The following ALKBH3 variants were observed in gnomAD, a reference collection of about 807,000 sequenced individuals.
ALKBH3 encodes the protein alkB homolog 3, alpha-ketoglutarate dependent dioxygenase, also known as alpha-ketoglutarate-dependent dioxygenase alkB homolog 3.
Under a neutral mutation model 43.9 loss-of-function variants are expected in ALKBH3, and 51 were observed. The observed-to-expected ratio is 1.16, with a 90% CI of 0.93 to 1.47. The LOEUF is 1.47. Among genes scored for constraint, ALKBH3 ranks in the 40% most tolerant of loss-of-function variants. ALKBH3 has a pLI of 0.00. For synonymous variants in ALKBH3, 102 were observed against 115.2 expected, an observed-to-expected ratio of 0.89 and a Z score of 0.73; for missense variants, 361 against 351.9, an observed-to-expected ratio of 1.03 and a Z score of -0.21.
chr11:43,891,142 A>G (rs1217738040), intron 6 of ALKBH3, among the ~76,000 whole-genome samples: 1 of 152,218 alleles, frequency 6.6e-6, no homozygotes, highest in Non-Finnish European at 1.5e-5. Flanking sequence ...TTACTCATGC[A>G]TCAGAATAGG....
chr11:43,919,108 T>C lies in ALKBH3; in HGVS notation c.740T>C (p.Met247Thr), dbSNP rs756874420. 1.9e-6 allele frequency: 3 copies of C among 1,613,334 alleles called. No homozygotes were observed. Among genetic ancestry groups the C allele is most frequent in the Non-Finnish European group, 2.5e-6 (3 of 1,179,454 alleles). The change falls in exon 9 of 10, where the codon ATG becomes ACG. Residue 247 changes from methionine to threonine, a missense_variant. Coordinates refer to ENST00000302708, the MANE Select transcript of ALKBH3 (RefSeq NM_139178.4). The stretch of plus-strand genomic sequence containing the variant: ...TTGGATCATGGGACCTTGTTAATCA[T>C]GGAAGGAGCGACACAAGCTGACTGG... The part of the protein sequence containing the change: ...IPLDHGTLLI[M>T]EGATQADWQH...
intron 7 of ALKBH3, chr11:43,898,840 C>T (rs1590372893): frequency 1.3e-6 from 1 of 765,122 alleles, no homozygotes; most frequent in Non-Finnish European, 2.4e-6. Context: ...CTACCAGGGT[C>T]CTGGAGGCCT....
chr11:43,908,198 C>T (rs1448545809), intron 8 of ALKBH3, among the ~76,000 whole-genome samples: 2 of 152,192 alleles, frequency 1.3e-5, no homozygotes, highest in Admixed American at 1.3e-4. Context: ...CAGAGATAGC[C>T]AGATTTCAAT....
chr11:43,883,371 C>T (rs1210709578), intron 3 of ALKBH3, among the ~76,000 whole-genome samples, 183 bp downstream of exon 3: 1 of 152,176 alleles, frequency 6.6e-6, no homozygotes, highest in African/African-American at 2.4e-5. Flanking sequence ...TCTTCGTAGT[C>T]TGCTCCCAGT....
intron 6 of ALKBH3, 110 bp from the exon 7 acceptor site, chr11:43,891,931 A>T (rs955048989): frequency 3.8e-6 from 3 of 782,246 alleles, no homozygotes; most frequent in Non-Finnish European, 4.2e-6. Context: ...GCCCATTCTT[A>T]CTTTTCTTTT....
chr11:43,916,168 T>A (rs1324924450), intron 8 of ALKBH3, among the ~76,000 whole-genome samples: 1 of 152,060 alleles, frequency 6.6e-6, no homozygotes, highest in Non-Finnish European at 1.5e-5. Flanking sequence ...GAAAGAAAAA[T>A]GTTTAGGTTT....
chr11:43,905,051 A>G (rs1028628811), intron 8 of ALKBH3, among the ~76,000 whole-genome samples: 13 of 152,214 alleles, frequency 8.5e-5, no homozygotes, highest in Admixed American at 5.2e-4. Context: ...ACAGTTTCGC[A>G]TCTCAGGCGG....
chr11:43,908,454 T>C (rs933492430), intron 8 of ALKBH3, among the ~76,000 whole-genome samples: 1 of 152,222 alleles, frequency 6.6e-6, no homozygotes, highest in African/African-American at 2.4e-5. Context: ...AGGTGAGGTA[T>C]GGCGGAATGT....
At chr11:43,885,130 T>C (rs1224325273) in intron 4 of ALKBH3, among the ~76,000 whole-genome samples, 10 of 152,138 alleles carry the variant, frequency 6.6e-5, no homozygotes, top group Admixed American at 5.2e-4. Flanking sequence ...ATGAAACATG[T>C]TGTAAGCTAC....
chr11:43,899,404 G>C, intron 7 of ALKBH3: 1 of 705,082 alleles, frequency 1.4e-6, no homozygotes, highest in Admixed American at 1.8e-5. Context: ...AGATCTCTTC[G>C]CACAACTGTA....
chr11:43,895,809 G>A lies in ALKBH3; in HGVS notation c.459+3680G>A, dbSNP rs190423000. Among the ~76,000 whole-genome samples, 45 of 152,278 alleles carry A rather than the reference G, an allele frequency of 3.0e-4. 1 individual carries two copies. In the East Asian group the frequency reaches 7.3e-3, roughly 25 times the overall value. On this transcript the variant is annotated intron_variant, in intron 7 of 9. Transcript: ENST00000302708. ...AACTCTGCTAGTAGTCATTGTGTTC[G>A]TCATCATCATGCGCTTCCAGTGTAA...
At chr11:43,889,074 G>C (rs1951765390) in intron 5 of ALKBH3, among the ~76,000 whole-genome samples, 1 of 152,062 alleles carries the variant, frequency 6.6e-6, no homozygotes, top group Admixed American at 6.6e-5. Context: ...TGTAGCCCAG[G>C]CTAGAGTGCA....
Position 43,919,953 on chromosome 11 carries a change from G to T in ALKBH3, c.804G>T (p.Pro268=), listed in dbSNP as rs762206016. ...RVPKEYHSRE[P]RVNLTFRTVY... Reference sequence around the variant, plus strand: ...CCAAAGAATACCACTCTAGAGAACCGAGAGTGAACCTGACCTTTCGGACAG... The same window carrying T: ...CCAAAGAATACCACTCTAGAGAACCTAGAGTGAACCTGACCTTTCGGACAG... The change falls in exon 10 of 10, where the codon CCG becomes CCT. Residue 268 remains proline (P), a synonymous_variant. Coordinates refer to ENST00000302708, the MANE Select transcript of ALKBH3 (RefSeq NM_139178.4). 5 of 1,614,016 alleles carry T rather than the reference G, an allele frequency of 3.1e-6. No homozygotes were observed. The highest frequency in any genetic ancestry group is 1.7e-5 in the Admixed American group (1 of 59,992).
At chr11:43,884,943 A>G (rs1951737291) in intron 4 of ALKBH3, among the ~76,000 whole-genome samples, 1 of 151,108 alleles carries the variant, frequency 6.6e-6, no homozygotes, top group Admixed American at 6.6e-5. Context: ...TTTTGTAGAG[A>G]TGGGATCTCC....
intron 8 of ALKBH3, among the ~76,000 whole-genome samples, chr11:43,912,815 A>G (rs1280557193): frequency 6.6e-6 from 1 of 152,226 alleles, no homozygotes; most frequent in Non-Finnish European, 1.5e-5. Context: ...GCAATAAAAC[A>G]GTTGAGGTGT....
At chr11:43,912,748 AT>A (rs1443087599) in intron 8 of ALKBH3, among the ~76,000 whole-genome samples, 1 of 152,210 alleles carries the variant, frequency 6.6e-6, no homozygotes, top group African/African-American at 2.4e-5. Context: ...CATGGCATTT[AT>A]TTTTTAAAAT....
intron 7 of ALKBH3, chr11:43,897,264 G>A (rs755069273): frequency 1.8e-6 from 1 of 568,990 alleles, no homozygotes; most frequent in Admixed American, 1.9e-5. Flanking sequence ...CCGCAGAGCT[G>A]CTGGTATGAG....
Position 43,901,618 on chromosome 11 carries a change from G to A in ALKBH3, c.562G>A (p.Val188Met), listed in dbSNP as rs755478589. ...CNLYRNEKDS[V>M]DWHSDDEPSL... Reference sequence around the variant, plus strand: ...TCTTTATCGCAATGAGAAGGACAGCGTGGACTGGCACAGTGATGATGAACC... The same window carrying A: ...TCTTTATCGCAATGAGAAGGACAGCATGGACTGGCACAGTGATGATGAACC... The change falls in exon 8 of 10, where the codon GTG becomes ATG. Residue 188 changes from valine to methionine, a missense_variant. Transcript: ENST00000302708. The A allele has an allele frequency of 8.7e-6, 14 of 1,614,136 alleles. No homozygotes were observed. Among genetic ancestry groups the A allele is most frequent in the African/African-American group, 4.0e-5 (3 of 74,946 alleles).
chr11:43,884,249 G>A (rs531384472), intron 4 of ALKBH3, among the ~76,000 whole-genome samples: 3 of 152,254 alleles, frequency 2.0e-5, no homozygotes, highest in Admixed American at 6.5e-5. Flanking sequence ...ACTTTGACTT[G>A]TGTAGATTTC....
Sources: allele counts gnomAD v4.1 joint callset (sites outside exome capture counted in the v4.1 genomes callset), GRCh38; gene constraint gnomAD v4.1.1; transcripts MANE v1.5; gene names NCBI Gene and HGNC (gene_info 2026-07-23, HGNC 2026-07-21).